The following MED27 variants were observed in gnomAD, a reference collection of about 807,000 sequenced individuals.
MED27 encodes the protein mediator complex subunit 27, also known as mediator of RNA polymerase II transcription subunit 27.
A neutral mutation model predicts 38.2 loss-of-function variants in MED27; 30 were observed. The observed-to-expected ratio is 0.79, with a 90% CI of 0.59 to 1.07. The LOEUF (loss-of-function observed/expected upper bound fraction) is 1.07. Among genes scored for constraint, MED27 ranks in the 50% least tolerant of loss-of-function variants. MED27 has a pLI of 0.00. For missense variants in MED27, 289 were observed against 397.5 expected (o/e 0.73, Z 2.32); for synonymous variants, 122 against 153.5 (o/e 0.79, Z 1.52).
chr9:132,078,715 A>G (rs1251573570), intron 1 of MED27, among the ~76,000 whole-genome samples: 2 of 152,206 alleles, frequency 1.3e-5, no homozygotes, highest in African/African-American at 4.8e-5. Context: ...TCAAAGGATG[A>G]CTAGCTCACC....
chr9:131,883,703 A>G lies in MED27; in HGVS notation c.723+355T>C, dbSNP rs1276059277. Among the ~76,000 whole-genome samples the G allele has an allele frequency of 6.6e-6, 1 of 152,206 alleles. No individual in the cohort carries two copies. The highest frequency in any genetic ancestry group is 1.5e-5 in the Non-Finnish European group (1 of 68,038). On this transcript the variant is annotated intron_variant, in intron 6 of 7. Transcript: ENST00000292035. This position sits in a 1 kb window ranked among gnomAD's most constrained non-coding sequence, Gnocchi z 4.2. ...ATGGTTTTCCTAAGGTATAATTTAC[A>G]TACAATATGACTGCCCCTTTGTAGT...
intron 3 of MED27, among the ~76,000 whole-genome samples, chr9:132,006,268 AAGGAGACTG>A (rs563860949): frequency 1.2e-4 from 18 of 152,326 alleles, no homozygotes; most frequent in African/African-American, 4.3e-4. Context: ...GTCCCTGGAA[AAGGAGACTG>A]AGGAAACGCT....
intron 4 of MED27, among the ~76,000 whole-genome samples, chr9:131,938,934 C>T (rs1339250399): frequency 1.3e-5 from 2 of 151,998 alleles, no homozygotes; most frequent in Non-Finnish European, 2.9e-5. Context: ...AGGATGGTCT[C>T]GATCTCCTGA....
At chr9:131,973,324 T>C (rs1025399760) in intron 3 of MED27, among the ~76,000 whole-genome samples, 19 of 152,208 alleles carry the variant, frequency 1.2e-4, no homozygotes, top group African/African-American at 4.6e-4. Context: ...AGGATAACTC[T>C]GGGTCCTTGG....
intron 3 of MED27, among the ~76,000 whole-genome samples, chr9:132,005,700 T>C (rs936087262): frequency 3.9e-5 from 6 of 152,190 alleles, no homozygotes; most frequent in African/African-American, 1.4e-4. Context: ...AAAACATTCC[T>C]ATTCACACTC....
At chr9:131,981,527 T>C (rs1230181925) in intron 3 of MED27, among the ~76,000 whole-genome samples, 1 of 152,214 alleles carries the variant, frequency 6.6e-6, no homozygotes, top group Non-Finnish European at 1.5e-5. Flanking sequence ...AGCTGTACAG[T>C]TCTTCCTTCC....
At chr9:131,973,408 C>T (rs553694779) in intron 3 of MED27, among the ~76,000 whole-genome samples, 9 of 152,026 alleles carry the variant, frequency 5.9e-5, no homozygotes, top group South Asian at 2.1e-4. Flanking sequence ...AGAAATCGGC[C>T]GCAGGGCTTC....
chr9:132,012,232 G>A (rs1832500647), intron 3 of MED27, among the ~76,000 whole-genome samples: 1 of 152,130 alleles, frequency 6.6e-6, no homozygotes, highest in African/African-American at 2.4e-5. Flanking sequence ...AAGTTACAAG[G>A]CCCATTAGAC....
At chr9:132,014,715 G>A (rs943460701) in intron 2 of MED27, among the ~76,000 whole-genome samples, 3 of 147,894 alleles carry the variant, frequency 2.0e-5, no homozygotes, top group Non-Finnish European at 3.0e-5. Flanking sequence ...GGAAGCAGTC[G>A]GAATGTCCAA....
intron 2 of MED27, among the ~76,000 whole-genome samples, chr9:132,030,147 AT>A (rs1832924156): frequency 6.6e-6 from 1 of 152,208 alleles, no homozygotes; most frequent in Non-Finnish European, 1.5e-5. Context: ...GTGTTAGGGG[AT>A]TCGGGCCTCT....
intron 3 of MED27, among the ~76,000 whole-genome samples, chr9:132,007,236 G>A (rs10122036): frequency 0.019 from 2,931 of 152,240 alleles, 90 homozygotes; most frequent in African/African-American, 0.067. Flanking sequence ...TGAGAGGCAA[G>A]TCATCCAAGA....
intron 3 of MED27, among the ~76,000 whole-genome samples, chr9:131,972,334 G>C (rs1306466185): frequency 2.6e-5 from 4 of 152,132 alleles, no homozygotes; most frequent in African/African-American, 9.7e-5. Flanking sequence ...GGCAGGTTTT[G>C]CTCACTTATT....
In MED27 at chr9:131,888,600, A is replaced by T. The variant is rs140840569; in HGVS notation, c.682-4501T>A. ...AATACTTCATTTCAAAAAACAGTGG[A>T]ATCGATTCAAAATTATCTAAATAAA... On this transcript the variant is annotated intron_variant, in intron 5 of 7. Transcript: ENST00000292035. Among the ~76,000 whole-genome samples the T allele has an allele frequency of 6.0e-3, 913 of 152,336 alleles. 3 individuals carry two copies. The highest frequency in any genetic ancestry group is 0.01 in the Non-Finnish European group (712 of 68,030).
At chr9:131,868,824 G>C in intron 6 of MED27, 1 of 985,458 alleles carries the variant, frequency 1.0e-6, no homozygotes, top group Non-Finnish European at 1.2e-6. Context: ...CTACAGTTCC[G>C]ACGCCAGGCA....
intron 2 of MED27, among the ~76,000 whole-genome samples, chr9:132,044,966 G>A (rs1254135864): frequency 6.6e-6 from 1 of 151,976 alleles, no homozygotes. Context: ...AAATCACAGA[G>A]AAATATGGGA....
intron 6 of MED27, among the ~76,000 whole-genome samples, chr9:131,876,764 G>A (rs759392956): frequency 2.0e-5 from 3 of 152,058 alleles, no homozygotes; most frequent in African/African-American, 4.8e-5. Context: ...GCCCACTAGC[G>A]GGCTCACGCA....
intron 4 of MED27, among the ~76,000 whole-genome samples, chr9:131,901,102 A>AG (rs1040516311): frequency 2.8e-4 from 6 of 21,140 alleles, no homozygotes; most frequent in African/African-American, 4.1e-4. Context: ...TGAGGGAGGG[A>AG]GGGGGGAAGG....
chr9:131,925,076 C>A (rs1174018539), intron 4 of MED27, among the ~76,000 whole-genome samples: 1 of 152,154 alleles, frequency 6.6e-6, no homozygotes, highest in Non-Finnish European at 1.5e-5. Flanking sequence ...TATCTCTAGG[C>A]CTTGCCAAAT....
chr9:131,921,560 C>G (rs1589213250), intron 4 of MED27, among the ~76,000 whole-genome samples: 1 of 152,194 alleles, frequency 6.6e-6, no homozygotes, highest in East Asian at 1.9e-4. Context: ...AATAGGAACA[C>G]TTTTACACTG....
Sources: allele counts gnomAD v4.1 joint callset (sites outside exome capture counted in the v4.1 genomes callset), GRCh38; gene constraint gnomAD v4.1.1; non-coding constraint Gnocchi (gnomAD v3.1); transcripts MANE v1.5; gene names NCBI Gene and HGNC (gene_info 2026-07-23, HGNC 2026-07-21).